The following STAT5B variants were observed in gnomAD, a reference collection of about 807,000 sequenced individuals.
STAT5B encodes the protein transcription factor STAT5B.
A neutral mutation model predicts 107.8 loss-of-function variants in STAT5B; 21 were observed. The observed-to-expected ratio is 0.19, with a 90% CI of 0.14 to 0.28. STAT5B has a LOEUF of 0.28. STAT5B is among the 10% of genes least tolerant of loss of function. STAT5B has a pLI of 1.00. For synonymous variants in STAT5B, 325 were observed against 401.7 expected, an observed-to-expected ratio of 0.81 and a Z score of 2.28; for missense variants, 565 against 1,008.2, an observed-to-expected ratio of 0.56 and a Z score of 5.95.
rs1293438241 is a variant in STAT5B at position 42,216,118 on chromosome 17, C to A, written c.1381-12G>T. 3 of 1,610,184 alleles carry A rather than the reference C, an allele frequency of 1.9e-6. No individual in the cohort carries two copies. In the African/African-American group the frequency reaches 4.0e-5, roughly 22 times the overall value. ...GGCAGGGACAGGGTCTAAAAAGACACAAGAGAAGGCTGAGCGCCCACGAGC... is the reference window on the plus strand; with the variant it reads ...GGCAGGGACAGGGTCTAAAAAGACAAAAGAGAAGGCTGAGCGCCCACGAGC... On this transcript the variant is annotated splice_polypyrimidine_tract_variant and intron_variant, in intron 11 of 18. Coordinates refer to ENST00000293328, the MANE Select transcript of STAT5B (RefSeq NM_012448.4).
intron 5 of STAT5B, among the ~76,000 whole-genome samples, chr17:42,220,504 T>C (rs1251558033): frequency 6.6e-6 from 1 of 152,122 alleles, no homozygotes; most frequent in African/African-American, 2.4e-5. Context: ...GTCTAGTCCC[T>C]GAGCACAGCA....
chr17:42,278,758 A>G (rs1004984480), upstream of STAT5B, among the ~76,000 whole-genome samples: 2 of 152,138 alleles, frequency 1.3e-5, no homozygotes, highest in Non-Finnish European at 2.9e-5. Flanking sequence ...AGGTCGGTGG[A>G]TCACGAGGTC....
chr17:42,205,671 G>C (rs2080078938), intron 16 of STAT5B, among the ~76,000 whole-genome samples: 1 of 152,180 alleles, frequency 6.6e-6, no homozygotes, highest in Non-Finnish European at 1.5e-5. Context: ...GAACCTTGGG[G>C]GACTGAGGAA....
chr17:42,264,236 T>C (rs952477112), intron 1 of STAT5B, among the ~76,000 whole-genome samples: 4 of 152,068 alleles, frequency 2.6e-5, no homozygotes, highest in African/African-American at 9.7e-5. Flanking sequence ...CTTTAAGTTT[T>C]AGGGTACATG....
At chr17:42,286,246 A>AC in the STAT5B span, among the ~76,000 whole-genome samples, 1 of 151,496 alleles carries the variant, frequency 6.6e-6, no homozygotes, top group Non-Finnish European at 1.5e-5. Flanking sequence ...AAAAAAAAAA[A>AC]AAAAAAAAAC....
At chr17:42,220,394 G>A (rs1292055004) in intron 5 of STAT5B, among the ~76,000 whole-genome samples, 1 of 152,174 alleles carries the variant, frequency 6.6e-6, no homozygotes, top group Non-Finnish European at 1.5e-5. Flanking sequence ...TGGTTAACGG[G>A]GAACAGGACA....
chr17:42,248,544 T>C (rs2080471653), intron 1 of STAT5B, among the ~76,000 whole-genome samples: 1 of 152,306 alleles, frequency 6.6e-6, no homozygotes, highest in Non-Finnish European at 1.5e-5. Flanking sequence ...CTACTTTTTC[T>C]GGTAACAGAC....
intron 1 of STAT5B, chr17:42,274,962 T>G (rs1247242928): frequency 1.3e-5 from 2 of 152,248 alleles, no homozygotes; most frequent in African/African-American, 4.8e-5. Context: ...CCAAGTATGA[T>G]ATTCAGTGTC....
intron 1 of STAT5B, among the ~76,000 whole-genome samples, chr17:42,257,568 C>G (rs2080557188): frequency 6.6e-6 from 1 of 152,182 alleles, no homozygotes. Context: ...CAGCTTTGGT[C>G]CAGGACATAC....
intron 1 of STAT5B, among the ~76,000 whole-genome samples, chr17:42,233,255 T>C (rs1018147347): frequency 6.6e-6 from 1 of 152,208 alleles, no homozygotes; most frequent in Non-Finnish European, 1.5e-5. Context: ...ATCTGAAGTG[T>C]TGATTGAACC....
intron 1 of STAT5B, chr17:42,268,794 C>T (rs1404195674): frequency 6.6e-6 from 1 of 151,954 alleles, no homozygotes; most frequent in Admixed American, 6.6e-5. Context: ...TAAAAGATGA[C>T]CAAAAGATTT....
intron 18 of STAT5B, 191 bp downstream of exon 18, chr17:42,202,149 C>T (rs1474877384): frequency 2.8e-6 from 2 of 702,994 alleles, no homozygotes; most frequent in Admixed American, 2.8e-5. Flanking sequence ...GACATTTGCC[C>T]AACCCGACTC....
chr17:42,268,440 C>T (rs1050151340), intron 1 of STAT5B: 5 of 151,928 alleles, frequency 3.3e-5, no homozygotes, highest in Non-Finnish European at 7.4e-5. Context: ...ACCACAATGA[C>T]AAAATCGCCT....
intron 12 of STAT5B, 145 bp from the exon 13 acceptor site, chr17:42,212,335 G>A: frequency 7.3e-7 from 1 of 1,363,640 alleles, no homozygotes. Context: ...CTCTGCTGGG[G>A]TACACGGTTC....
intron 2 of STAT5B, among the ~76,000 whole-genome samples, chr17:42,229,669 G>C (rs2080302469): frequency 6.6e-6 from 1 of 151,398 alleles, no homozygotes; most frequent in African/African-American, 2.4e-5. Flanking sequence ...TCAGGAGTTA[G>C]AGACCAGCCT....
chr17:42,214,756 A>G (rs896622115), intron 12 of STAT5B, among the ~76,000 whole-genome samples: 1 of 152,040 alleles, frequency 6.6e-6, no homozygotes, highest in South Asian at 2.1e-4. Context: ...TACTAAAAAA[A>G]TTTTTTTCTT....
At chr17:42,220,755 C>T (rs1166498655) in intron 5 of STAT5B, among the ~76,000 whole-genome samples, 3 of 152,188 alleles carry the variant, frequency 2.0e-5, no homozygotes, top group Middle Eastern at 6.8e-3. Flanking sequence ...TCATTGATGG[C>T]GGGACAGGGA....
chr17:42,202,558 GCC>G, intron 17 of STAT5B, 111 bp from the exon 18 acceptor site: 1 of 1,441,874 alleles, frequency 6.9e-7, no homozygotes, highest in Non-Finnish European at 9.7e-7. Flanking sequence ...AGGACAAAGT[GCC>G]CCACTCGGCC....
chr17:42,265,862 G>A (rs186821641), intron 1 of STAT5B, among the ~76,000 whole-genome samples: 1 of 152,026 alleles, frequency 6.6e-6, no homozygotes, highest in African/African-American at 2.4e-5. Context: ...TCCAGTATGG[G>A]TGAACACTGT....
Sources: gnomAD v4.1 joint callset for allele counts (sites outside exome capture counted in the v4.1 genomes callset) on GRCh38, gnomAD v4.1.1 for gene constraint, MANE v1.5 for transcripts, NCBI Gene and HGNC (gene_info 2026-07-23, HGNC 2026-07-21) for gene names.